Variants in RASGEF1A observed in about 807,000 individuals in gnomAD.
RASGEF1A encodes RasGEF domain family member 1A.
In RASGEF1A, 18 loss-of-function variants were observed where a neutral mutation model predicts 56.4. The ratio of observed to expected loss-of-function variants is 0.32; its 90% CI spans 0.22 to 0.47. RASGEF1A has a LOEUF of 0.47. Ranked by LOEUF, RASGEF1A falls within the 20% of genes least tolerant of loss-of-function variation. The pLI is 1.00. For synonymous variants in RASGEF1A, 245 were observed against 242.6 expected, an observed-to-expected ratio of 1.01 and a Z score of -0.09; for missense variants, 422 against 627.1, an observed-to-expected ratio of 0.67 and a Z score of 3.49.
At chr10:43,211,669 C>T (rs547505608) in intron 1 of RASGEF1A, among the ~76,000 whole-genome samples, 8 of 152,294 alleles carry the variant, frequency 5.3e-5, no homozygotes, top group African/African-American at 1.9e-4. Flanking sequence ...TGGTCTGCCA[C>T]AGGTGATACC....
intron 1 of RASGEF1A, among the ~76,000 whole-genome samples, chr10:43,224,665 A>C (rs1840249897): frequency 6.6e-6 from 1 of 152,256 alleles, no homozygotes; most frequent in Non-Finnish European, 1.5e-5. Context: ...GTAAAACATG[A>C]AAAGCCTCCT....
chr10:43,234,895 C>A (rs1396534844), intron 1 of RASGEF1A, among the ~76,000 whole-genome samples: 1 of 152,230 alleles, frequency 6.6e-6, no homozygotes, highest in Non-Finnish European at 1.5e-5. Context: ...ACTCAAGCCT[C>A]CTGCACACAC....
At chr10:43,233,293 T>G (rs1163836521) in intron 1 of RASGEF1A, among the ~76,000 whole-genome samples, 2 of 152,200 alleles carry the variant, frequency 1.3e-5, no homozygotes, top group Admixed American at 6.5e-5. Context: ...TCAGAACCTA[T>G]GTGTGTGCAC....
At chr10:43,224,008 C>T (rs987528551) in intron 1 of RASGEF1A, among the ~76,000 whole-genome samples, 1 of 152,060 alleles carries the variant, frequency 6.6e-6, no homozygotes, top group East Asian at 1.9e-4. Flanking sequence ...TTAATGGTTA[C>T]TTATATTATC....
At chr10:43,197,247 G>A (rs1009455063) in intron 10 of RASGEF1A, 148 bp from the exon 11 acceptor site, 26 of 891,508 alleles carry the variant, frequency 2.9e-5, no homozygotes, top group African/African-American at 8.4e-5. Context: ...CGCTGACCCC[G>A]TGGCCATGGT....
At chr10:43,241,739 C>A (rs184267237) in intron 1 of RASGEF1A, among the ~76,000 whole-genome samples, 1 of 151,958 alleles carries the variant, frequency 6.6e-6, no homozygotes, top group Non-Finnish European at 1.5e-5. Flanking sequence ...ATTAAACACT[C>A]CAGTTAAGAG....
chr10:43,256,107 G>A (rs989380920), intron 1 of RASGEF1A, among the ~76,000 whole-genome samples: 3 of 152,164 alleles, frequency 2.0e-5, no homozygotes, highest in Non-Finnish European at 4.4e-5. Flanking sequence ...GGCCCCCAGG[G>A]GACCCAGAGT....
chr10:43,256,965 C>G (rs1012149893), intron 1 of RASGEF1A, among the ~76,000 whole-genome samples: 1 of 152,190 alleles, frequency 6.6e-6, no homozygotes, highest in Non-Finnish European at 1.5e-5. Flanking sequence ...CCTCTCCCTC[C>G]TTCCAGAATC....
At chr10:43,212,751 C>T (rs926842313) in intron 1 of RASGEF1A, among the ~76,000 whole-genome samples, 6 of 152,220 alleles carry the variant, frequency 3.9e-5, no homozygotes, top group Non-Finnish European at 7.3e-5. Flanking sequence ...AGGACCTTTT[C>T]CAGTGGGTAC....
intron 6 of RASGEF1A, 138 bp from the exon 7 acceptor site, chr10:43,199,906 G>A: frequency 2.5e-6 from 2 of 785,896 alleles, no homozygotes; most frequent in Non-Finnish European, 2.1e-6. Flanking sequence ...GCTCCTTGCT[G>A]CCCAGTGCAG....
intron 1 of RASGEF1A, among the ~76,000 whole-genome samples, chr10:43,209,698 T>C (rs1301401439): frequency 6.6e-6 from 1 of 152,000 alleles, no homozygotes; most frequent in African/African-American, 2.4e-5. Flanking sequence ...CCACCAGGGC[T>C]AGGCAGAGAT....
intron 1 of RASGEF1A, chr10:43,207,207 C>T (rs1003739181): frequency 3.0e-6 from 3 of 985,538 alleles, no homozygotes; most frequent in Non-Finnish European, 3.6e-6. Flanking sequence ...GAAGGCAGCA[C>T]AGGTGCCAGC....
At chr10:43,229,648 G>C (rs1315840416) in intron 1 of RASGEF1A, 10 of 1,493,046 alleles carry the variant, frequency 6.7e-6, no homozygotes, top group Non-Finnish European at 8.9e-6. Flanking sequence ...TGGGGCTCCA[G>C]GAACATTCTG....
At chr10:43,237,283 A>G (rs1840442271) in intron 1 of RASGEF1A, among the ~76,000 whole-genome samples, 1 of 151,984 alleles carries the variant, frequency 6.6e-6, no homozygotes, top group African/African-American at 2.4e-5. Context: ...GTTTCCACCC[A>G]TCCTTGGCCA....
chr10:43,256,454 T>TGGG lies in RASGEF1A; in HGVS notation c.-7+10388_-7+10390dup, dbSNP rs60143933. On this transcript the variant is annotated intron_variant, in intron 1 of 12. Coordinates refer to ENST00000395810, the MANE Select transcript of RASGEF1A (RefSeq NM_145313.4). Reference sequence around the variant, plus strand: ...AACCTCAGGGAAAGAAAGGGCTGGTTGGGGGTGGAGGGGGTGGTGAATCAA... The same window carrying TGGG: ...AACCTCAGGGAAAGAAAGGGCTGGTTGGGGGGGGTGGAGGGGGTGGTGAATCAA... Among the ~76,000 whole-genome samples, 1,097 of 151,864 alleles carry TGGG rather than the reference T, an allele frequency of 7.2e-3. 12 individuals carry two copies. Among genetic ancestry groups the TGGG allele is most frequent in the African/African-American group, 0.025 (1,049 of 41,390 alleles).
intron 1 of RASGEF1A, chr10:43,208,845 G>T: frequency 8.1e-6 from 8 of 985,556 alleles, no homozygotes; most frequent in Non-Finnish European, 9.6e-6. Context: ...GGAGAGGCAG[G>T]TTCCCTACAT....
chr10:43,228,800 C>T (rs1840317417), intron 1 of RASGEF1A, among the ~76,000 whole-genome samples: 1 of 152,218 alleles, frequency 6.6e-6, no homozygotes, highest in Admixed American at 6.5e-5. Flanking sequence ...CAACACTCTC[C>T]GTGCTGTGGT....
intron 1 of RASGEF1A, among the ~76,000 whole-genome samples, chr10:43,266,441 C>A (rs953152918): frequency 6.6e-5 from 10 of 152,158 alleles, no homozygotes; most frequent in Non-Finnish European, 8.8e-5. Context: ...ACTGCGCAGC[C>A]CTGAGCTCCT....
intron 1 of RASGEF1A, among the ~76,000 whole-genome samples, chr10:43,213,201 G>A (rs1425756353): frequency 1.3e-5 from 2 of 151,438 alleles, no homozygotes; most frequent in Admixed American, 6.6e-5. Context: ...TTGCAGCAAT[G>A]TATTGTATAC....
Sources: gnomAD v4.1 joint callset for allele counts (sites outside exome capture counted in the v4.1 genomes callset) on GRCh38, gnomAD v4.1.1 for gene constraint, MANE v1.5 for transcripts, NCBI Gene and HGNC (gene_info 2026-07-23, HGNC 2026-07-21) for gene names.